The following LRP1B variants were observed in gnomAD, a reference collection of about 807,000 sequenced individuals.
LRP1B encodes LDL receptor related protein 1B, also known as low-density lipoprotein receptor-related protein 1B.
A neutral mutation model predicts 556.6 loss-of-function variants in LRP1B; 217 were observed. The ratio of observed to expected loss-of-function variants is 0.39; its 90% CI spans 0.35 to 0.44. The LOEUF (loss-of-function observed/expected upper bound fraction) is 0.44. Ranked by LOEUF, LRP1B falls within the 20% of genes least tolerant of loss-of-function variation. LRP1B has a pLI of 1.00. For missense variants in LRP1B, 5,053 were observed against 5,620.8 expected, an observed-to-expected ratio of 0.90 and a Z score of 3.23; for synonymous variants, 2,047 against 1,865.8, an observed-to-expected ratio of 1.10 and a Z score of -2.50.
At chr2:141,015,330 G>A (rs1185372406) in intron 13 of LRP1B, among the ~76,000 whole-genome samples, 3 of 151,994 alleles carry the variant, frequency 2.0e-5, no homozygotes, top group African/African-American at 2.4e-5. Context: ...TTACTTCCTC[G>A]TAATACATAA....
intron 32 of LRP1B, among the ~76,000 whole-genome samples, chr2:140,804,688 G>C (rs1486113305): frequency 1.6e-5 from 1 of 64,248 alleles, no homozygotes; most frequent in African/African-American, 6.1e-5. Flanking sequence ...GCCATTAGCT[G>C]TAACTCACAT....
At chr2:141,743,145 G>A (rs1050640199) in intron 2 of LRP1B, among the ~76,000 whole-genome samples, 3 of 151,706 alleles carry the variant, frequency 2.0e-5, no homozygotes, top group Admixed American at 2.0e-4. Context: ...TATCATGAAG[G>A]GATGTTGAAT....
chr2:141,482,509 T>C (rs1055931075), intron 2 of LRP1B, among the ~76,000 whole-genome samples: 21 of 152,016 alleles, frequency 1.4e-4, no homozygotes, highest in Non-Finnish European at 1.9e-4. Flanking sequence ...TATATATATG[T>C]GTGTGTGCAT....
intron 3 of LRP1B, among the ~76,000 whole-genome samples, chr2:141,255,098 A>G (rs908586695): frequency 1.3e-5 from 2 of 152,082 alleles, no homozygotes; most frequent in African/African-American, 4.8e-5. Flanking sequence ...TGGTAGAAAA[A>G]TATTAGAGAA....
chr2:140,668,915 G>T (rs1685384112), intron 41 of LRP1B, among the ~76,000 whole-genome samples: 1 of 152,094 alleles, frequency 6.6e-6, no homozygotes, highest in Non-Finnish European at 1.5e-5. Context: ...GTATATTAAA[G>T]GTATTTATGT....
chr2:141,181,941 C>T lies in LRP1B; in HGVS notation c.1013+6480G>A, dbSNP rs145374861. On this transcript the variant is annotated intron_variant, in intron 7 of 90. Transcript: ENST00000389484. ...TATACCTTTGAATGAGCCTTTGAAC[C>T]GCTAAGTTCAGTCAAAATTAGTGCA... 1.1e-3 allele frequency among the ~76,000 whole-genome samples: 162 copies of T among 152,044 alleles called. 5 individuals are homozygous for T. The East Asian group carries it at 0.025, about 23-fold the overall frequency.
rs769985907 is a variant in LRP1B, at chr2:140,541,755, C to T, written c.7387+24G>A. ...TCAGAGATTATACAATGAAAAAACA[C>T]ATTTGCTTTCTATTATAACTTACAG... is the stretch of plus-strand genomic sequence containing the variant. On this transcript the variant is annotated intron_variant, in intron 44 of 90. Coordinates refer to ENST00000389484, the MANE Select transcript of LRP1B (RefSeq NM_018557.3). 5.2e-6 allele frequency: 8 copies of T among 1,550,320 alleles called. No homozygotes were observed. The Admixed American group carries it at 1.4e-4, about 26-fold the overall frequency.
chr2:141,921,886 G>T (rs1341296050), intron 1 of LRP1B, among the ~76,000 whole-genome samples: 2 of 152,008 alleles, frequency 1.3e-5, no homozygotes, highest in Admixed American at 6.6e-5. Context: ...AAGGGTTTCA[G>T]AGTAGTGAAA....
At chr2:141,624,031 T>TAAAAAAAAAAAAAAAAAAAAAAAA (rs1559185670) in intron 2 of LRP1B, among the ~76,000 whole-genome samples, 1 of 12,218 alleles carries the variant, frequency 8.2e-5, no homozygotes, top group Non-Finnish European at 2.4e-4. Flanking sequence ...AAAAAAAAAA[T>TAAAAAAAAAAAAAAAAAAAAAAAA]TAAACAAAAA....
chr2:141,556,174 T>C lies in LRP1B; in HGVS notation c.206-75641A>G, dbSNP rs568961565. Reference sequence around the variant, plus strand: ...CTAGGGACTACCACAAATAGGTTTATGTGTTCACTGCCAGGGTTACATTAG... The same window carrying C: ...CTAGGGACTACCACAAATAGGTTTACGTGTTCACTGCCAGGGTTACATTAG... On this transcript the variant is annotated intron_variant, in intron 2 of 90. Transcript: ENST00000389484. Among the ~76,000 whole-genome samples the C allele has an allele frequency of 3.3e-5, 5 of 152,014 alleles. No homozygotes were observed. In the South Asian group the frequency reaches 8.3e-4, roughly 25 times the overall value.
At chr2:141,470,957 T>G (rs1271127500) in intron 3 of LRP1B, among the ~76,000 whole-genome samples, 1 of 152,300 alleles carries the variant, frequency 6.6e-6, no homozygotes, top group African/African-American at 2.4e-5. Flanking sequence ...AATTTCTAAA[T>G]GTTATTTGAA....
chr2:140,665,978 G>A (rs1228599631), intron 41 of LRP1B, among the ~76,000 whole-genome samples: 1 of 147,048 alleles, frequency 6.8e-6, no homozygotes, highest in Non-Finnish European at 1.5e-5. Flanking sequence ...CACTTCAGTG[G>A]AGTAAAAAAA....
chr2:141,775,220 C>T (rs1695025954), intron 2 of LRP1B, among the ~76,000 whole-genome samples: 1 of 152,196 alleles, frequency 6.6e-6, no homozygotes, highest in Non-Finnish European at 1.5e-5. Flanking sequence ...TGTCTTGGAG[C>T]TATTTCACAG....
chr2:141,626,115 A>G (rs946018969), intron 2 of LRP1B, among the ~76,000 whole-genome samples: 1 of 152,176 alleles, frequency 6.6e-6, no homozygotes, highest in African/African-American at 2.4e-5. Flanking sequence ...ATGAAGAAAC[A>G]AACATTCAAA....
chr2:141,264,356 A>C (rs1040111281), intron 3 of LRP1B, among the ~76,000 whole-genome samples: 2 of 152,238 alleles, frequency 1.3e-5, no homozygotes, highest in Non-Finnish European at 1.5e-5. Context: ...AAGAAAAAGC[A>C]AAATTTTCTA....
intron 2 of LRP1B, among the ~76,000 whole-genome samples, chr2:141,753,819 C>A (rs1217127263): frequency 2.0e-5 from 3 of 152,084 alleles, no homozygotes; most frequent in Non-Finnish European, 4.4e-5. Context: ...TAGTACTTTT[C>A]CTTAAATAAA....
At chr2:141,049,866 G>A (rs775964752) in intron 10 of LRP1B, among the ~76,000 whole-genome samples, 5 of 151,892 alleles carry the variant, frequency 3.3e-5, no homozygotes, top group Non-Finnish European at 7.4e-5. Flanking sequence ...TACAACACAG[G>A]CCTTATCAAA....
intron 2 of LRP1B, among the ~76,000 whole-genome samples, chr2:141,663,261 A>G (rs1690294287): frequency 6.6e-6 from 1 of 152,186 alleles, no homozygotes; most frequent in African/African-American, 2.4e-5. Context: ...ACATCCTAAC[A>G]TTACAACTAA....
chr2:141,482,961 T>C (rs1682978176), intron 2 of LRP1B, among the ~76,000 whole-genome samples: 1 of 150,896 alleles, frequency 6.6e-6, no homozygotes, highest in South Asian at 2.1e-4. Context: ...TGTTTTTTTA[T>C]TTTATTTTAT....
Sources: allele counts gnomAD v4.1 joint callset (sites outside exome capture counted in the v4.1 genomes callset), GRCh38; gene constraint gnomAD v4.1.1; transcripts MANE v1.5; gene names NCBI Gene and HGNC (gene_info 2026-07-23, HGNC 2026-07-21).